AMOT: variants seen among roughly 807,000 people sequenced by gnomAD.
The protein encoded by AMOT is angiomotin.
A neutral mutation model predicts 67.0 loss-of-function variants in AMOT; 11 were observed. The observed-to-expected ratio is 0.16, with a 90% CI of 0.10 to 0.27. The LOEUF (loss-of-function observed/expected upper bound fraction) is 0.27, where lower values mean the gene tolerates loss of function less well. AMOT is among the 10% of genes least tolerant of loss of function. The pLI, the probability that AMOT is intolerant of heterozygous loss-of-function variation, is 1.00. For missense variants in AMOT, 753 were observed against 852.0 expected, an observed-to-expected ratio of 0.88 and a Z score of 1.45; for synonymous variants, 326 against 321.4, an observed-to-expected ratio of 1.01 and a Z score of -0.15.
intron 2 of AMOT, among the ~76,000 whole-genome samples, chrX:112,830,155 T>C (rs931604544): frequency 8.9e-6 from 1 of 112,078 alleles, no homozygotes; most frequent in African/African-American, 3.2e-5. Flanking sequence ...CACCTCAACT[T>C]AAGCACTGTT....
intron 1 of AMOT, among the ~76,000 whole-genome samples, chrX:112,839,177 A>G (rs758300220): frequency 8.9e-6 from 1 of 112,692 alleles, no homozygotes; most frequent in East Asian, 2.8e-4. Context: ...CATCTCAGTA[A>G]TAAGTCTTTG....
rs1378318402 is a variant in AMOT at position 112,776,259 on chromosome X, G to C, written c.*2308C>G. On this transcript the variant is annotated 3_prime_UTR_variant, in exon 14 of 14. Transcript: ENST00000371959. ...TGTGATTAAAATCATGGCTCCCAGA[G>C]CCAGCAAAAAGTCTGCCAATGTGTT... 3.6e-5 allele frequency: 4 copies of C among 112,409 alleles called. 1 individual carries two copies. The highest frequency in any genetic ancestry group is 7.4e-4 in the South Asian group (2 of 2,710). 9.3% of individuals were successfully genotyped at this position (112,409 alleles called of 1,213,427 possible).
chrX:112,796,033 T>TA (rs746583302), intron 8 of AMOT, among the ~76,000 whole-genome samples: 15,169 of 99,513 alleles, frequency 0.15, 1,618 homozygotes, highest in African/African-American at 0.37. Context: ...TTCAGAAGTT[T>TA]AAAAAAAAAA....
At chrX:112,817,693 C>T (rs1306766029) in intron 4 of AMOT, among the ~76,000 whole-genome samples, 1 of 112,195 alleles carries the variant, frequency 8.9e-6, no homozygotes, top group Non-Finnish European at 1.9e-5. Flanking sequence ...CAATCACATA[C>T]ATCTGTCATT....
intron 1 of AMOT, among the ~76,000 whole-genome samples, chrX:112,838,049 G>A (rs1012007678): frequency 3.6e-5 from 4 of 111,695 alleles, no homozygotes; most frequent in African/African-American, 1.3e-4. Flanking sequence ...AGAATAGACT[G>A]TTCTCATGCA....
chrX:112,788,952 G>A (rs1933475945), intron 10 of AMOT, among the ~76,000 whole-genome samples: 1 of 112,261 alleles, frequency 8.9e-6, no homozygotes, highest in African/African-American at 3.2e-5. Flanking sequence ...AATACACAAA[G>A]CTTTCAAAGG....
At chrX:112,787,392 T>C (rs1268756855) in intron 10 of AMOT, among the ~76,000 whole-genome samples, 1 of 112,050 alleles carries the variant, frequency 8.9e-6, no homozygotes, top group East Asian at 2.8e-4. Flanking sequence ...ATCATTGTGT[T>C]GAGTGCAATA....
chrX:112,810,437 A>G (rs904954651), intron 6 of AMOT, among the ~76,000 whole-genome samples: 1 of 112,273 alleles, frequency 8.9e-6, no homozygotes. Flanking sequence ...GGCCGGGCAC[A>G]GTGACTCATG....
At chrX:112,839,646 T>C (rs1180464625) in intron 1 of AMOT, among the ~76,000 whole-genome samples, 3 of 111,359 alleles carry the variant, frequency 2.7e-5, no homozygotes, top group African/African-American at 9.8e-5. Flanking sequence ...TTAGTCCCTT[T>C]ATGCAAATTA....
At chrX:112,781,809 G>A (rs963291542) in intron 11 of AMOT, among the ~76,000 whole-genome samples, 3 of 111,818 alleles carry the variant, frequency 2.7e-5, no homozygotes, top group Non-Finnish European at 3.8e-5. Context: ...ATGAATGAGC[G>A]ACAACCTGCA....
chrX:112,799,134 T>C lies in AMOT; in HGVS notation c.1776+5813A>G, dbSNP rs137859140. On this transcript the variant is annotated intron_variant, in intron 8 of 13. Transcript: ENST00000371959. Reference sequence around the variant, plus strand: ...GGACAAAGAACAGGGTTAAAATGTTTTAGATTTAAGAGATCTGGGTTTTCT... The same window carrying C: ...GGACAAAGAACAGGGTTAAAATGTTCTAGATTTAAGAGATCTGGGTTTTCT... 3.8e-3 allele frequency among the ~76,000 whole-genome samples: 422 copies of C among 112,508 alleles called. 1 individual carries two copies. The highest frequency in any genetic ancestry group is 0.013 in the African/African-American group (398 of 31,041).
Position 112,775,191 on chromosome X carries a change from T to TTGGAAGACATATTTCCA in AMOT, c.*3359_*3375dup, listed in dbSNP as rs1932912266. On this transcript the variant is annotated 3_prime_UTR_variant, in exon 14 of 14. Transcript: ENST00000371959. ...TTGTCCTACTGATGATGGATGGCACTTGGAAGACATATTTCCAAGAATCGT... is the reference window on the plus strand; with the variant it reads ...TTGTCCTACTGATGATGGATGGCACTTGGAAGACATATTTCCATGGAAGACATATTTCCAAGAATCGT... 1 of 112,549 alleles carries TTGGAAGACATATTTCCA rather than the reference T, an allele frequency of 8.9e-6. No individual in the cohort carries two copies. The highest frequency in any genetic ancestry group is 3.7e-4 in the South Asian group (1 of 2,714). The allele number at this position is 112,549 out of a possible 1,213,427, so 9.3% of individuals were successfully genotyped here. A position where few individuals can be genotyped will look rare whatever the true frequency, so the allele number is the denominator to read the frequency against.
intron 5 of AMOT, among the ~76,000 whole-genome samples, chrX:112,814,374 C>A (rs1934475052): frequency 8.9e-6 from 1 of 111,765 alleles, no homozygotes; most frequent in Non-Finnish European, 1.9e-5. Context: ...AAATACTCAG[C>A]TTCATTCAGG....
chrX:112,822,109 A>G, intron 4 of AMOT, 146 bp downstream of exon 4: 1 of 731,682 alleles, frequency 1.4e-6, no homozygotes, highest in Non-Finnish European at 1.9e-6. Flanking sequence ...TCGGGTTGGC[A>G]GGCAATTCAC....
At chrX:112,822,226 A>G (rs1934733729) in intron 4 of AMOT, 29 bp downstream of exon 4, 3 of 1,081,334 alleles carry the variant, frequency 2.8e-6, no homozygotes, top group Middle Eastern at 2.5e-4. Flanking sequence ...GGATGAGGTC[A>G]GGAAATGACA....
chrX:112,834,633 A>T (rs1311711797), intron 1 of AMOT, among the ~76,000 whole-genome samples: 1 of 112,828 alleles, frequency 8.9e-6, no homozygotes, highest in Non-Finnish European at 1.9e-5. Context: ...TCCATCATTA[A>T]TAAAATCCAG....
At chrX:112,786,867 T>C in intron 10 of AMOT, among the ~76,000 whole-genome samples, 1 of 112,510 alleles carries the variant, frequency 8.9e-6, no homozygotes, top group Middle Eastern at 4.6e-3. Flanking sequence ...CAAATACTCA[T>C]TTTAGATATG....
intron 6 of AMOT, among the ~76,000 whole-genome samples, chrX:112,810,745 A>G (rs768427494): frequency 2.2e-4 from 25 of 111,666 alleles, no homozygotes; most frequent in African/African-American, 8.1e-4. Flanking sequence ...GGAAAAAAAA[A>G]AGAAAGTACC....
In AMOT at chrX:112,815,601, C is replaced by CTGCTGCTGT; in HGVS notation, c.1140_1148dup (p.Gln382_Gln384dup). The CTGCTGCTGT allele has an allele frequency of 9.1e-6, 11 of 1,208,541 alleles. No homozygotes were observed. Among genetic ancestry groups the CTGCTGCTGT allele is most frequent in the Non-Finnish European group, 1.2e-5 (11 of 893,803 alleles). The stretch of plus-strand genomic sequence containing the variant: ...GGTGGTGATGGTGATGATGGTGCTG[C>CTGCTGCTGT]TGCTGCTGTTGCTGCTGCTGCTGAC... On this transcript the variant is annotated inframe_insertion, in exon 5 of 14. Transcript: ENST00000371959.
Sources: gnomAD v4.1 joint callset for allele counts (sites outside exome capture counted in the v4.1 genomes callset) on GRCh38, gnomAD v4.1.1 for gene constraint, MANE v1.5 for transcripts, NCBI Gene and HGNC (gene_info 2026-07-23, HGNC 2026-07-21) for gene names.